COX15: variants seen among roughly 807,000 people sequenced by gnomAD.
COX15 encodes the protein cytochrome c oxidase assembly factor COX15, also known as heme A synthase COX15.
In COX15, 51 loss-of-function variants were observed where a neutral mutation model predicts 51.9. The ratio of observed to expected loss-of-function variants is 0.98; its 90% CI spans 0.78 to 1.24. The LOEUF is 1.24. COX15 is among the 50% of genes most tolerant of loss of function. The pLI is 0.00. For missense variants in COX15, 420 were observed against 501.1 expected (o/e 0.84, Z 1.55); for synonymous variants, 188 against 190.5 (o/e 0.99, Z 0.11).
chr10:99,717,449 G>T (rs968259218), intron 7 of COX15, among the ~76,000 whole-genome samples: 2 of 152,118 alleles, frequency 1.3e-5, no homozygotes, highest in Non-Finnish European at 2.9e-5. Context: ...GGGCTCAAGC[G>T]ATCCTCTTGC....
intron 1 of COX15, among the ~76,000 whole-genome samples, chr10:99,730,675 T>C (rs2037107987): frequency 6.6e-6 from 1 of 152,112 alleles, no homozygotes; most frequent in South Asian, 2.1e-4. Context: ...AGGCTATAAA[T>C]CTGTATGGCA....
At chr10:99,727,181 G>C in intron 3 of COX15, 27 bp from the exon 4 acceptor site, 1 of 1,608,798 alleles carries the variant, frequency 6.2e-7, no homozygotes, top group Admixed American at 1.7e-5. Context: ...GTCAAAAAAG[G>C]AGGAGGAGGA....
intron 7 of COX15, among the ~76,000 whole-genome samples, chr10:99,717,373 CTTTA>C (rs922780480): frequency 2.0e-5 from 3 of 152,042 alleles, no homozygotes; most frequent in African/African-American, 2.4e-5. Context: ...AACTCTTTTC[CTTTA>C]TTTATTTATT....
downstream of COX15, chr10:99,706,336 C>CTT (rs112095426): frequency 4.6e-4 from 68 of 147,754 alleles, no homozygotes; most frequent in Middle Eastern, 3.5e-3. Context: ...GACTCTGTTC[C>CTT]TTTTTTTTTT....
chr10:99,696,166 G>A, the COX15 span: 412 of 1,598,880 alleles, frequency 2.6e-4, 1 homozygote, highest in Middle Eastern at 1.7e-4. Flanking sequence ...ATAATGTCAG[G>A]CTGCAGATAT....
the COX15 span, among the ~76,000 whole-genome samples, chr10:99,703,114 T>A: frequency 9.2e-5 from 14 of 152,236 alleles, no homozygotes; most frequent in African/African-American, 3.4e-4. Context: ...GTCATTGACT[T>A]AGAAGGCTTT....
the COX15 span, chr10:99,698,779 C>G: frequency 5.6e-6 from 9 of 1,614,084 alleles, no homozygotes; most frequent in Non-Finnish European, 7.6e-6. Flanking sequence ...TACGGCTTCT[C>G]TGAGTTTTTT....
At chr10:99,715,971 A>C (rs1590083552) in intron 8 of COX15, among the ~76,000 whole-genome samples, 3 of 138,908 alleles carry the variant, frequency 2.2e-5, no homozygotes, top group Admixed American at 1.5e-4. Flanking sequence ...ATTTTCTCCT[A>C]GTCTGTCACC....
intron 8 of COX15, among the ~76,000 whole-genome samples, chr10:99,715,000 A>G (rs1399875957): frequency 1.3e-5 from 2 of 152,256 alleles, no homozygotes; most frequent in Non-Finnish European, 2.9e-5. Flanking sequence ...TTATAGAGAA[A>G]TAAATATATA....
chr10:99,729,253 G>A (rs2037057652), intron 2 of COX15, among the ~76,000 whole-genome samples: 1 of 152,152 alleles, frequency 6.6e-6, no homozygotes, highest in South Asian at 2.1e-4. Flanking sequence ...CCTGAGGTGA[G>A]GAGTTTGGAT....
chr10:99,696,130 T>C, the COX15 span: 1 of 1,612,410 alleles, frequency 6.2e-7, no homozygotes. Context: ...CAGGTACATT[T>C]GATATGGGAT....
chr10:99,697,480 T>A, the COX15 span: 1 of 162,260 alleles, frequency 6.2e-6, no homozygotes, highest in Non-Finnish European at 1.4e-5. Context: ...GACTGCATCT[T>A]CTTCCCATGC....
At position 99,711,587 on chromosome 10, in the gene COX15, G is replaced by A; in HGVS notation, c.*3000C>T. 3.0e-6 allele frequency: 3 copies of A among 985,260 alleles called. No individual in the cohort carries two copies. Among genetic ancestry groups the A allele is most frequent in the Non-Finnish European group, 3.6e-6 (3 of 829,746 alleles). The allele number at this position is 985,260 out of a possible 1,614,324, so 61.0% of individuals were successfully genotyped here. A position where few individuals can be genotyped will look rare whatever the true frequency, so the allele number is the denominator to read the frequency against. On this transcript the variant is annotated 3_prime_UTR_variant, in exon 9 of 9. Transcript: ENST00000016171. ...ACCTAAGCCAGTGGTCCCTAGACTT[G>A]TCTGCACATTGGAATCACCTGGGGA...
At chr10:99,731,876 G>C in intron 1 of COX15, 84 bp downstream of exon 1, 1 of 1,523,848 alleles carries the variant, frequency 6.6e-7, no homozygotes, top group Non-Finnish European at 8.9e-7. Context: ...CCGGAAACGT[G>C]ATGTGGGGCT....
chr10:99,724,156 A>G lies in COX15; in HGVS notation c.583-33T>C, dbSNP rs558987225. 6 of 1,612,718 alleles carry G rather than the reference A, an allele frequency of 3.7e-6. No homozygotes were observed. In the South Asian group the frequency reaches 5.5e-5, roughly 15 times the overall value. ...CCCCAAGAGATGAAGCAAACAAAAC[A>G]AGGTTAAAATGATCTGTTCAACTTT... On this transcript the variant is annotated intron_variant, in intron 4 of 8. Coordinates refer to ENST00000016171, the MANE Select transcript of COX15 (RefSeq NM_078470.6).
In COX15 at chr10:99,731,954, C is replaced by T; in HGVS notation, c.90+6G>A. 2 of 1,607,224 alleles carry T rather than the reference C, an allele frequency of 1.2e-6. No homozygotes were observed. Among genetic ancestry groups the T allele is most frequent in the Non-Finnish European group, 1.7e-6 (2 of 1,177,212 alleles). The stretch of plus-strand genomic sequence containing the variant: ...CCGCGACTCGGAGTCCGCTGCAGTG[C>T]GGTACCTGTGCTCTAGGCGCTGCCC... On this transcript the variant is annotated splice_donor_region_variant and intron_variant, in intron 1 of 8. Coordinates refer to ENST00000016171, the MANE Select transcript of COX15 (RefSeq NM_078470.6).
chr10:99,700,803 A>G, the COX15 span: 1 of 668,576 alleles, frequency 1.5e-6, no homozygotes, highest in South Asian at 1.8e-5. Context: ...GGATGACGGG[A>G]ATAAACAGGG....
At chr10:99,706,336 C>CT (rs112095426), downstream of COX15, 64,201 of 147,622 alleles carry the variant, frequency 0.43, 14,131 homozygotes, top group Middle Eastern at 0.64. Context: ...GACTCTGTTC[C>CT]TTTTTTTTTT....
At chr10:99,728,574 A>G (rs189009482) in intron 2 of COX15, among the ~76,000 whole-genome samples, 1 of 152,366 alleles carries the variant, frequency 6.6e-6, no homozygotes, top group Non-Finnish European at 1.5e-5. Flanking sequence ...CGCTAATGAA[A>G]TAATGGATCT....
Sources: gnomAD v4.1 joint callset for allele counts (sites outside exome capture counted in the v4.1 genomes callset) on GRCh38, gnomAD v4.1.1 for gene constraint, MANE v1.5 for transcripts, NCBI Gene and HGNC (gene_info 2026-07-23, HGNC 2026-07-21) for gene names.